KLF7: variants seen among roughly 807,000 people sequenced by gnomAD.
KLF7 encodes KLF transcription factor 7.
KLF7 carries 2 observed loss-of-function variants against 27.3 expected under a neutral mutation model. That is an observed-to-expected ratio of 0.07 (90% confidence interval 0.03 to 0.23). The LOEUF is 0.23. Ranked by LOEUF, KLF7 falls within the 10% of genes least tolerant of loss-of-function variation. The pLI is 1.00. For synonymous variants in KLF7, 165 were observed against 162.4 expected (o/e 1.02, Z -0.12); for missense variants, 221 against 394.1 (o/e 0.56, Z 3.72).
chr2:207,154,979 C>T (rs566358691), intron 1 of KLF7, among the ~76,000 whole-genome samples: 8 of 152,308 alleles, frequency 5.3e-5, no homozygotes, highest in Admixed American at 4.6e-4. Flanking sequence ...CCACTGACTG[C>T]CAGGTCACGA....
rs1037109275 is a variant in KLF7, at chr2:207,079,814, A to C, written c.*1399T>G. 4 of 152,314 alleles carry C rather than the reference A, an allele frequency of 2.6e-5. No individual in the cohort carries two copies. The highest frequency in any genetic ancestry group is 9.6e-5 in the African/African-American group (4 of 41,556). 9.4% of individuals were successfully genotyped at this position (152,314 alleles called of 1,614,324 possible). A position where few individuals can be genotyped will look rare whatever the true frequency, so the allele number is the denominator to read the frequency against. On this transcript the variant is annotated 3_prime_UTR_variant, in exon 4 of 4. Coordinates refer to ENST00000309446, the MANE Select transcript of KLF7 (RefSeq NM_003709.4). Reference sequence around the variant, plus strand: ...AGACAGCCCATGAGAGAAACACCTCAACCTTTTCCTTAAATGTCAACCCTT... The same window carrying C: ...AGACAGCCCATGAGAGAAACACCTCCACCTTTTCCTTAAATGTCAACCCTT...
chr2:207,116,368 T>G (rs2077187925), intron 2 of KLF7, among the ~76,000 whole-genome samples: 1 of 152,268 alleles, frequency 6.6e-6, no homozygotes, highest in Non-Finnish European at 1.5e-5. Context: ...ATTTTAATTT[T>G]TTTAAAAAGA....
At chr2:207,126,663 C>A (rs1196712059) in intron 1 of KLF7, among the ~76,000 whole-genome samples, 1 of 152,128 alleles carries the variant, frequency 6.6e-6, no homozygotes, top group Non-Finnish European at 1.5e-5. Context: ...ATTTGCCGGG[C>A]GCAGTGGCTT....
At chr2:207,124,966 A>G (rs561148068) in intron 1 of KLF7, among the ~76,000 whole-genome samples, 1 of 152,364 alleles carries the variant, frequency 6.6e-6, no homozygotes, top group South Asian at 2.1e-4. Context: ...TGGATTCCAT[A>G]ACCAGCAGGA....
rs115091000 is a variant in KLF7 at position 207,140,977 on chromosome 2, C to T, written c.103-16573G>A. 4.6e-3 allele frequency among the ~76,000 whole-genome samples: 703 copies of T among 152,286 alleles called. 2 individuals carry two copies. The highest frequency in any genetic ancestry group is 0.016 in the African/African-American group (676 of 41,538). ...ACACAGACAAAAGTCAGGATGACTT[C>T]TGCCTGCTCCTTCTACATAATTAGC... On this transcript the variant is annotated intron_variant, in intron 1 of 3. Transcript: ENST00000309446.
intron 3 of KLF7, among the ~76,000 whole-genome samples, chr2:207,086,573 A>T (rs933255330): frequency 6.6e-6 from 1 of 152,220 alleles, no homozygotes; most frequent in African/African-American, 2.4e-5. Flanking sequence ...AAAGCAAAAG[A>T]CTAACCAAAT....
chr2:207,141,446 G>A lies in KLF7; in HGVS notation c.103-17042C>T, dbSNP rs78332641. ...AAACTCAAACACATTCAGGGACTAG[G>A]AGCATAACATACATTAGTGAAACAG... On this transcript the variant is annotated intron_variant, in intron 1 of 3. Coordinates refer to ENST00000309446, the MANE Select transcript of KLF7 (RefSeq NM_003709.4). Among the ~76,000 whole-genome samples the A allele has an allele frequency of 5.1e-4, 77 of 152,156 alleles. No homozygotes were observed. In the East Asian group the frequency reaches 0.014, roughly 27 times the overall value.
At chr2:207,145,021 T>G (rs2078059793) in intron 1 of KLF7, among the ~76,000 whole-genome samples, 1 of 152,218 alleles carries the variant, frequency 6.6e-6, no homozygotes, top group African/African-American at 2.4e-5. Context: ...TTATTCACAT[T>G]TGTCAACAGG....
upstream of KLF7, among the ~76,000 whole-genome samples, chr2:207,171,151 CTT>C (rs2078781574): frequency 6.6e-6 from 1 of 151,236 alleles, no homozygotes; most frequent in African/African-American, 2.4e-5. Flanking sequence ...TTCTGGGTGA[CTT>C]TGAGGGGTTC....
chr2:207,162,198 CA>C (rs1355018411), intron 1 of KLF7, among the ~76,000 whole-genome samples: 2 of 151,984 alleles, frequency 1.3e-5, no homozygotes, highest in Admixed American at 6.6e-5. Context: ...TTTCTATTGG[CA>C]AAAAAAGTCA....
intron 1 of KLF7, among the ~76,000 whole-genome samples, chr2:207,140,491 A>AAAGCATGT (rs2077910388): frequency 6.6e-6 from 1 of 152,236 alleles, no homozygotes; most frequent in Non-Finnish European, 1.5e-5. Flanking sequence ...TGAGGAAAAA[A>AAAGCATGT]AAGCATGTAA....
chr2:207,113,784 CT>C lies in KLF7; in HGVS notation c.733+9989del, dbSNP rs375148165. 1.9e-3 allele frequency among the ~76,000 whole-genome samples: 288 copies of C among 152,246 alleles called. 1 individual carries two copies. The highest frequency in any genetic ancestry group is 6.8e-3 in the Middle Eastern group (2 of 294). ...CAAGTCTGTCTGTTGCATTTTCCCC[CT>C]CCCCTTCTCACATTTTCCTCAATCA... On this transcript the variant is annotated intron_variant, in intron 2 of 3. Transcript: ENST00000309446.
Position 207,096,431 on chromosome 2 carries a change from C to G in KLF7, c.734-7850G>C, listed in dbSNP as rs116536105. ...TTCCGAGTTCCCATCTCAGACCTTG[C>G]GTATCAGAATCTGTTTTTAGCATCT... On this transcript the variant is annotated intron_variant, in intron 2 of 3. Coordinates refer to ENST00000309446, the MANE Select transcript of KLF7 (RefSeq NM_003709.4). Among the ~76,000 whole-genome samples the G allele has an allele frequency of 2.4e-3, 359 of 152,276 alleles. 3 individuals are homozygous for G. Among genetic ancestry groups the G allele is most frequent in the African/African-American group, 8.1e-3 (337 of 41,556 alleles).
In KLF7 at chr2:207,077,471, A is replaced by T. The variant is rs1229237875; in HGVS notation, c.*3742T>A. On this transcript the variant is annotated 3_prime_UTR_variant, in exon 4 of 4. Coordinates refer to ENST00000309446, the MANE Select transcript of KLF7 (RefSeq NM_003709.4). ...ATCAAAGATGTACAAAGGGCACAAG[A>T]GGTGCAGGTGGAGAGGAGATGGCGT... The T allele has an allele frequency of 1.3e-5, 2 of 152,198 alleles. No individual in the cohort carries two copies. The highest frequency in any genetic ancestry group is 2.9e-5 in the Non-Finnish European group (2 of 68,042). The allele number at this position is 152,198 out of a possible 1,614,324, so 9.4% of individuals were successfully genotyped here.
At chr2:207,104,318 A>G (rs1330079307) in intron 2 of KLF7, among the ~76,000 whole-genome samples, 1 of 151,868 alleles carries the variant, frequency 6.6e-6, no homozygotes, top group African/African-American at 2.4e-5. Context: ...TCGTGTAGAT[A>G]CACATATAGC....
the KLF7 span, among the ~76,000 whole-genome samples, chr2:207,173,043 C>A: frequency 1.3e-5 from 2 of 151,708 alleles, no homozygotes; most frequent in Non-Finnish European, 2.9e-5. Flanking sequence ...AAAGTGTGAA[C>A]TTGGGTTGTG....
chr2:207,082,251 G>A (rs1321049872), intron 3 of KLF7, among the ~76,000 whole-genome samples: 1 of 152,200 alleles, frequency 6.6e-6, no homozygotes, highest in African/African-American at 2.4e-5. Context: ...AAAGGCCAAT[G>A]AGAACCAGCC....
intron 2 of KLF7, among the ~76,000 whole-genome samples, chr2:207,096,485 A>C (rs2076633536): frequency 6.6e-6 from 1 of 152,218 alleles, no homozygotes; most frequent in East Asian, 1.9e-4. Context: ...ATCTGAAGAA[A>C]TGACATTTAA....
At chr2:207,105,944 GAAGA>G (rs1030728646) in intron 2 of KLF7, among the ~76,000 whole-genome samples, 5 of 152,136 alleles carry the variant, frequency 3.3e-5, no homozygotes, top group African/African-American at 4.8e-5. Context: ...CTTTCCAATA[GAAGA>G]AAGAGATAAG....
Sources: gnomAD v4.1 joint callset for allele counts (sites outside exome capture counted in the v4.1 genomes callset) on GRCh38, gnomAD v4.1.1 for gene constraint, MANE v1.5 for transcripts, NCBI Gene and HGNC (gene_info 2026-07-23, HGNC 2026-07-21) for gene names.